AKAP6: variants seen among roughly 807,000 people sequenced by gnomAD.
AKAP6 encodes A-kinase anchor protein 6.
AKAP6 carries 58 observed loss-of-function variants against 188.5 expected under a neutral mutation model. The observed-to-expected ratio is 0.31, with a 90% CI of 0.25 to 0.38. The LOEUF is 0.38. Among genes scored for constraint, AKAP6 ranks in the 10% least tolerant of loss-of-function variants. AKAP6 has a pLI of 1.00. For missense variants in AKAP6, 2,710 were observed against 2,740.0 expected (o/e 0.99, Z 0.24); for synonymous variants, 989 against 998.6 (o/e 0.99, Z 0.18).
chr14:32,536,400 G>C (rs1882680734), intron 3 of AKAP6, among the ~76,000 whole-genome samples: 1 of 152,208 alleles, frequency 6.6e-6, no homozygotes, highest in Non-Finnish European at 1.5e-5. Context: ...ATAAGAAAGA[G>C]AATGGCAGGC....
chr14:32,750,731 A>ATTTTT lies in AKAP6; in HGVS notation c.3372+14849_3372+14850insTTTTT, dbSNP rs765897477. 5.3e-5 allele frequency among the ~76,000 whole-genome samples: 5 copies of ATTTTT among 93,564 alleles called. 1 individual carries two copies. Among genetic ancestry groups the ATTTTT allele is most frequent in the Non-Finnish European group, 1.3e-4 (5 of 38,756 alleles). The allele number at this position is 93,564 out of a possible 152,430, so 61.4% of individuals were successfully genotyped here. On this transcript the variant is annotated intron_variant, in intron 11 of 13. Coordinates refer to ENST00000280979, the MANE Select transcript of AKAP6 (RefSeq NM_004274.5). Reference sequence around the variant, plus strand: ...GAGAGCAGGACTGGGTCACTAAATTAATTTTGTTTTTTTTTTTTTGTTTTT... The same window carrying ATTTTT: ...GAGAGCAGGACTGGGTCACTAAATTATTTTTATTTTGTTTTTTTTTTTTTGTTTTT...
At chr14:32,440,646 A>G (rs1194533845) in intron 2 of AKAP6, among the ~76,000 whole-genome samples, 4 of 152,206 alleles carry the variant, frequency 2.6e-5, no homozygotes, top group Non-Finnish European at 5.9e-5. Flanking sequence ...ATGCAAGGAA[A>G]TGTAATCTGG....
Position 32,354,295 on chromosome 14 carries a change from CA to C in AKAP6, c.-35+24901del, listed in dbSNP as rs796950806. The stretch of plus-strand genomic sequence containing the variant: ...AATGGAACAGAACAGAGCCCTGTCT[CA>C]AAAAAAAAAAAAAGTAACAATTTTT... On this transcript the variant is annotated intron_variant, in intron 1 of 13. Coordinates refer to ENST00000280979, the MANE Select transcript of AKAP6 (RefSeq NM_004274.5). 3.8e-3 allele frequency among the ~76,000 whole-genome samples: 514 copies of C among 135,778 alleles called. 1 individual carries two copies. The highest frequency in any genetic ancestry group is 3.7e-3 in the Admixed American group (49 of 13,334). 89.1% of individuals were successfully genotyped at this position (135,778 alleles called of 152,430 possible). A position where few individuals can be genotyped will look rare whatever the true frequency, so the allele number is the denominator to read the frequency against.
At chr14:32,583,010 A>G (rs1885051597) in intron 5 of AKAP6, among the ~76,000 whole-genome samples, 2 of 152,198 alleles carry the variant, frequency 1.3e-5, no homozygotes, top group Admixed American at 1.3e-4. Flanking sequence ...TTCTCCTACC[A>G]GCTTTATTCT....
chr14:32,826,557 G>A (rs1450063719), intron 13 of AKAP6, among the ~76,000 whole-genome samples: 2 of 152,210 alleles, frequency 1.3e-5, no homozygotes, highest in Non-Finnish European at 1.5e-5. Flanking sequence ...CTCTGAGCAT[G>A]ACATCATGTG....
At chr14:32,512,731 A>C (rs1052948826) in intron 2 of AKAP6, among the ~76,000 whole-genome samples, 4 of 152,194 alleles carry the variant, frequency 2.6e-5, no homozygotes, top group African/African-American at 9.6e-5. Context: ...GAGTAGTTAT[A>C]ATACGGACAG....
intron 1 of AKAP6, among the ~76,000 whole-genome samples, chr14:32,413,183 T>C (rs1352257820): frequency 7.1e-6 from 1 of 140,410 alleles, no homozygotes; most frequent in African/African-American, 2.5e-5. Flanking sequence ...AAATTTTTTT[T>C]TTTTTTTTTT....
At chr14:32,729,274 C>CA (rs933279096) in intron 9 of AKAP6, among the ~76,000 whole-genome samples, 4 of 149,794 alleles carry the variant, frequency 2.7e-5, no homozygotes, top group African/African-American at 7.4e-5. Context: ...TGATTTCTAA[C>CA]AAAAAAAAAG....
intron 1 of AKAP6, among the ~76,000 whole-genome samples, chr14:32,380,492 T>G (rs1047179157): frequency 6.6e-6 from 1 of 152,224 alleles, no homozygotes; most frequent in African/African-American, 2.4e-5. Context: ...AATAAATGAA[T>G]GAAGATTTTG....
In AKAP6 at chr14:32,829,877, T is replaced by G. The variant is rs2034783540; in HGVS notation, c.*72T>G. 1 of 702,548 alleles carries G rather than the reference T, an allele frequency of 1.4e-6. No homozygotes were observed. Among genetic ancestry groups the G allele is most frequent in the Non-Finnish European group, 2.6e-6 (1 of 384,670 alleles). 43.5% of individuals were successfully genotyped at this position (702,548 alleles called of 1,614,324 possible). The stretch of plus-strand genomic sequence containing the variant: ...GCCTGGCTGCAACTCAGGGGTGGCC[T>G]CATCCTCCCGCCCTGGGCTGGCCTC... On this transcript the variant is annotated 3_prime_UTR_variant, in exon 14 of 14. Transcript: ENST00000280979.
chr14:32,630,404 A>G (rs1228738114), intron 7 of AKAP6, among the ~76,000 whole-genome samples: 1 of 152,172 alleles, frequency 6.6e-6, no homozygotes, highest in Non-Finnish European at 1.5e-5. Context: ...AAAAAAGGCA[A>G]TATAATGCAT....
chr14:32,523,791 T>TAAA (rs55994452), intron 2 of AKAP6, among the ~76,000 whole-genome samples: 6 of 107,138 alleles, frequency 5.6e-5, no homozygotes, highest in Non-Finnish European at 9.4e-5. Context: ...TCCTCCTGAT[T>TAAA]AAAAAAAAAA....
chr14:32,709,325 T>TG (rs1258923256), intron 9 of AKAP6, among the ~76,000 whole-genome samples: 1 of 151,828 alleles, frequency 6.6e-6, no homozygotes, highest in Non-Finnish European at 1.5e-5. Flanking sequence ...ATTTTTTTTT[T>TG]TAATCTGAAG....
At chr14:32,592,285 C>T (rs1022758837) in intron 5 of AKAP6, among the ~76,000 whole-genome samples, 3 of 152,086 alleles carry the variant, frequency 2.0e-5, no homozygotes, top group Admixed American at 6.6e-5. Context: ...CTCATCTATG[C>T]GAAGCAGACA....
intron 12 of AKAP6, among the ~76,000 whole-genome samples, chr14:32,774,212 TTTCAATCATTCC>T (rs1442941893): frequency 6.6e-6 from 1 of 152,248 alleles, no homozygotes; most frequent in Admixed American, 6.5e-5. Flanking sequence ...CCATTAATTC[TTTCAATCATTCC>T]TTCACTAACA....
chr14:32,369,024 A>C (rs1417164472), intron 1 of AKAP6, among the ~76,000 whole-genome samples: 1 of 152,196 alleles, frequency 6.6e-6, no homozygotes, highest in Non-Finnish European at 1.5e-5. Flanking sequence ...GGCACTTTTG[A>C]GAATGAACGG....
chr14:32,694,993 A>G (rs1890344494), intron 8 of AKAP6, among the ~76,000 whole-genome samples: 1 of 152,208 alleles, frequency 6.6e-6, no homozygotes, highest in Non-Finnish European at 1.5e-5. Flanking sequence ...GGTAAAGGAC[A>G]AAGTCATAGT....
At chr14:32,678,956 TC>T (rs1889557673) in intron 8 of AKAP6, among the ~76,000 whole-genome samples, 1 of 152,178 alleles carries the variant, frequency 6.6e-6, no homozygotes, top group African/African-American at 2.4e-5. Context: ...ATAGACTAGC[TC>T]TTGCATTATC....
intron 3 of AKAP6, among the ~76,000 whole-genome samples, chr14:32,543,412 G>A (rs554873083): frequency 2.4e-4 from 36 of 152,106 alleles, no homozygotes; most frequent in Non-Finnish European, 4.9e-4. Flanking sequence ...TTCCATTGTG[G>A]ATATATGCCA....
Sources: gnomAD v4.1 joint callset for allele counts (sites outside exome capture counted in the v4.1 genomes callset) on GRCh38, gnomAD v4.1.1 for gene constraint, MANE v1.5 for transcripts, NCBI Gene and HGNC (gene_info 2026-07-23, HGNC 2026-07-21) for gene names.